The following EPHA5 variants were observed in gnomAD, a reference collection of about 807,000 sequenced individuals.
EPHA5 encodes the protein ephrin type-A receptor 5.
A neutral mutation model predicts 105.0 loss-of-function variants in EPHA5; 60 were observed. The ratio of observed to expected loss-of-function variants is 0.57; its 90% CI spans 0.46 to 0.71. The LOEUF is 0.71. Among genes scored for constraint, EPHA5 ranks in the 30% least tolerant of loss-of-function variants. EPHA5 has a pLI of 0.00. For missense variants in EPHA5, 1,218 were observed against 1,274.7 expected, an observed-to-expected ratio of 0.96 and a Z score of 0.68; for synonymous variants, 513 against 449.1, an observed-to-expected ratio of 1.14 and a Z score of -1.80.
At chr4:65,515,008 C>T (rs988335174) in intron 3 of EPHA5, among the ~76,000 whole-genome samples, 6 of 152,094 alleles carry the variant, frequency 3.9e-5, no homozygotes, top group Non-Finnish European at 7.4e-5. Context: ...ACTCCACAAT[C>T]TCAATTTTAG....
chr4:65,385,594 CATATT>C (rs1484792761), intron 8 of EPHA5, among the ~76,000 whole-genome samples: 2 of 151,778 alleles, frequency 1.3e-5, no homozygotes, highest in Non-Finnish European at 2.9e-5. Flanking sequence ...ATTAAAATCA[CATATT>C]ATAATAGTTG....
At chr4:65,367,804 A>C (rs1301270938) in intron 8 of EPHA5, among the ~76,000 whole-genome samples, 1 of 151,912 alleles carries the variant, frequency 6.6e-6, no homozygotes, top group Non-Finnish European at 1.5e-5. Flanking sequence ...TGTGTGTCTG[A>C]TCTAATAGTT....
intron 8 of EPHA5, among the ~76,000 whole-genome samples, chr4:65,374,725 T>C (rs1290102429): frequency 6.6e-6 from 1 of 151,972 alleles, no homozygotes; most frequent in Non-Finnish European, 1.5e-5. Context: ...GAGTGATCTT[T>C]CAAGACACGA....
intron 3 of EPHA5, among the ~76,000 whole-genome samples, chr4:65,567,044 G>T (rs1206948259): frequency 6.6e-6 from 1 of 151,450 alleles, no homozygotes; most frequent in Admixed American, 6.6e-5. Context: ...ACTTTTATTT[G>T]TGCATTCATC....
chr4:65,395,390 T>G (rs1721118772), intron 8 of EPHA5, among the ~76,000 whole-genome samples: 1 of 152,236 alleles, frequency 6.6e-6, no homozygotes, highest in Non-Finnish European at 1.5e-5. Flanking sequence ...TGTCCAAAAA[T>G]GTTTGTAATG....
intron 5 of EPHA5, among the ~76,000 whole-genome samples, chr4:65,437,743 G>A (rs1171134186): frequency 6.6e-6 from 1 of 151,816 alleles, no homozygotes; most frequent in Non-Finnish European, 1.5e-5. Context: ...AATCCTACCA[G>A]TGCCTCAATA....
At chr4:65,503,526 A>G (rs1410581709) in intron 3 of EPHA5, among the ~76,000 whole-genome samples, 1 of 151,826 alleles carries the variant, frequency 6.6e-6, no homozygotes, top group Non-Finnish European at 1.5e-5. Flanking sequence ...TAAGAAAAGG[A>G]CAGGAATACT....
chr4:65,595,393 T>TAACA (rs1292332970), intron 3 of EPHA5, among the ~76,000 whole-genome samples: 1 of 152,088 alleles, frequency 6.6e-6, no homozygotes, highest in African/African-American at 2.4e-5. Flanking sequence ...TTTGTACTTC[T>TAACA]AACAAAATTT....
intron 8 of EPHA5, among the ~76,000 whole-genome samples, chr4:65,397,055 G>A (rs1721312841): frequency 6.6e-6 from 1 of 152,206 alleles, no homozygotes; most frequent in African/African-American, 2.4e-5. Flanking sequence ...CTTTAGGAAG[G>A]ACTGTCTGGA....
At chr4:65,590,530 C>G (rs974725923) in intron 3 of EPHA5, among the ~76,000 whole-genome samples, 2 of 152,066 alleles carry the variant, frequency 1.3e-5, no homozygotes, top group Non-Finnish European at 2.9e-5. Context: ...TAATTCCATG[C>G]CTTCCTGCTT....
intron 8 of EPHA5, among the ~76,000 whole-genome samples, chr4:65,398,240 TG>T (rs930724600): frequency 6.6e-5 from 10 of 152,190 alleles, no homozygotes; most frequent in African/African-American, 2.4e-4. Context: ...AGGATGACCC[TG>T]GGTGCTGTTG....
chr4:65,650,543 G>A (rs563409965), intron 1 of EPHA5, among the ~76,000 whole-genome samples: 5 of 115,340 alleles, frequency 4.3e-5, no homozygotes, highest in African/African-American at 1.9e-4. Context: ...CTGGGCAACA[G>A]AGTGAGACTC....
At chr4:65,490,284 T>A in intron 5 of EPHA5, 93 bp downstream of exon 5, 1 of 1,260,428 alleles carries the variant, frequency 7.9e-7, no homozygotes, top group African/African-American at 1.5e-5. Flanking sequence ...GGGAAAATTC[T>A]CACACAGATT....
intron 11 of EPHA5, among the ~76,000 whole-genome samples, chr4:65,360,460 A>G (rs80162233): frequency 0.015 from 2,236 of 151,846 alleles, 55 homozygotes; most frequent in African/African-American, 0.05. Context: ...CTGTTTTAAA[A>G]TCTGACATTA....
intron 7 of EPHA5, among the ~76,000 whole-genome samples, chr4:65,413,374 A>T (rs939137813): frequency 3.3e-5 from 5 of 152,284 alleles, no homozygotes; most frequent in East Asian, 1.9e-4. Flanking sequence ...TCACTTAAAT[A>T]TGCTTTAAAA....
At chr4:65,544,124 T>C (rs1737135264) in intron 3 of EPHA5, among the ~76,000 whole-genome samples, 1 of 151,596 alleles carries the variant, frequency 6.6e-6, no homozygotes, top group South Asian at 2.1e-4. Flanking sequence ...ATAAAAACAG[T>C]AGAAAAAACC....
At chr4:65,582,475 A>G (rs1383545496) in intron 3 of EPHA5, among the ~76,000 whole-genome samples, 6 of 65,918 alleles carry the variant, frequency 9.1e-5, no homozygotes, top group African/African-American at 1.7e-4. Context: ...AGCAATTGGG[A>G]AAAAAAAAAA....
intron 3 of EPHA5, among the ~76,000 whole-genome samples, chr4:65,581,565 T>A (rs1741628595): frequency 6.6e-6 from 1 of 151,726 alleles, no homozygotes; most frequent in Non-Finnish European, 1.5e-5. Context: ...TAACCTAATG[T>A]TTTTTCACTT....
intron 3 of EPHA5, among the ~76,000 whole-genome samples, chr4:65,522,611 T>G (rs1241820433): frequency 6.6e-6 from 1 of 151,968 alleles, no homozygotes; most frequent in African/African-American, 2.4e-5. Flanking sequence ...ATATTTACAC[T>G]GCAGAGACCT....
Sources: allele counts gnomAD v4.1 joint callset (sites outside exome capture counted in the v4.1 genomes callset), GRCh38; gene constraint gnomAD v4.1.1; transcripts MANE v1.5; gene names NCBI Gene and HGNC (gene_info 2026-07-23, HGNC 2026-07-21).